The following PCNT variants were observed in gnomAD, a reference collection of about 807,000 sequenced individuals.
The protein encoded by PCNT is kendrin.
In PCNT, 319 loss-of-function variants were observed where a neutral mutation model predicts 380.4. The ratio of observed to expected loss-of-function variants is 0.84; its 90% CI spans 0.77 to 0.92. The LOEUF (loss-of-function observed/expected upper bound fraction) is 0.92, where lower values mean the gene tolerates loss of function less well. Among genes scored for constraint, PCNT ranks in the 40% least tolerant of loss-of-function variants. The pLI is 0.00. For missense variants in PCNT, 4,400 were observed against 4,255.3 expected, an observed-to-expected ratio of 1.03 and a Z score of -0.95; for synonymous variants, 1,845 against 1,735.2, an observed-to-expected ratio of 1.06 and a Z score of -1.57.
intron 21 of PCNT, chr21:46,394,410 C>T (rs994173743): frequency 2.1e-6 from 1 of 474,206 alleles, no homozygotes; most frequent in African/African-American, 2.1e-5. Flanking sequence ...GCCCAGAGCC[C>T]TGCTGCTGAC....
chr21:46,443,218 GTTGTT>G (rs978059089), intron 44 of PCNT: 1 of 162,374 alleles, frequency 6.2e-6, no homozygotes, highest in African/African-American at 2.4e-5. Context: ...AGTTGTTGTT[GTTGTT>G]TTGTTGTTTT....
rs140290722 is a variant in PCNT, at chr21:46,402,395, T to C, written c.5027T>C (p.Ile1676Thr). The change falls in exon 27 of 47, where the codon ATA becomes ACA. Residue 1676 changes from isoleucine (I) to threonine (T), a missense_variant. By Grantham distance (89) the Ile-to-Thr change is moderately conservative (BLOSUM62 -1). Coordinates refer to ENST00000359568, the MANE Select transcript of PCNT (RefSeq NM_006031.6). Reference sequence around the variant, plus strand: ...GACTTAGAAAGTAAAAATGAAGAAATACTACATCTGAACTTAAAATTGGAC... The same window carrying C: ...GACTTAGAAAGTAAAAATGAAGAAACACTACATCTGAACTTAAAATTGGAC... ...KGDLESKNEE[I>T]LHLNLKLDMQ... is the part of the protein sequence containing the mutation. The C allele has an allele frequency of 1.6e-4, 256 of 1,612,870 alleles. No individual in the cohort carries two copies. The highest frequency in any genetic ancestry group is 1.0e-4 in the Non-Finnish European group (120 of 1,178,896).
rs1555954604 is a variant in PCNT, at chr21:46,353,751, TGAGAGA to T, written c.1680-233_1680-228del. On this transcript the variant is annotated intron_variant, in intron 10 of 46. Coordinates refer to ENST00000359568, the MANE Select transcript of PCNT (RefSeq NM_006031.6). Reference sequence around the variant, plus strand: ...GTGTGTGTGTGTGTGTGTGTGTGTGTGAGAGAGACAGAGAGAGAGTCAGTGGCGGGC... The same window carrying T: ...GTGTGTGTGTGTGTGTGTGTGTGTGTGACAGAGAGAGAGTCAGTGGCGGGC... 8.6e-5 allele frequency among the ~76,000 whole-genome samples: 9 copies of T among 104,402 alleles called. 1 individual carries two copies. The highest frequency in any genetic ancestry group is 8.4e-4 in the South Asian group (3 of 3,588). 68.5% of individuals were successfully genotyped at this position (104,402 alleles called of 152,430 possible).
At position 46,353,197 on chromosome 21, in the gene PCNT, A is replaced by G. The variant is rs747331652; in HGVS notation, c.1550A>G (p.Glu517Gly). Residue 517 changes from glutamate to glycine, a missense_variant, in exon 10 of 47, where the codon GAG (glutamate) becomes GGG (glycine). Glu to Gly is a moderately conservative substitution (Grantham distance 98). Coordinates refer to ENST00000359568, the MANE Select transcript of PCNT (RefSeq NM_006031.6). ...AAAACCCAGCATGAGTCCGAACTGG[A>G]GCAACTGAGGATTTATTTTGAAAAG... ...REKTQHESELEQLRIYFEKKL... is the reference protein window; with the variant it reads ...REKTQHESELGQLRIYFEKKL... 1.2e-6 allele frequency: 2 copies of G among 1,614,136 alleles called. No homozygotes were observed. Among genetic ancestry groups the G allele is most frequent in the East Asian group, 4.5e-5 (2 of 44,888 alleles).
At chr21:46,433,006 C>G (rs947598226) in intron 38 of PCNT, among the ~76,000 whole-genome samples, 1 of 151,862 alleles carries the variant, frequency 6.6e-6, no homozygotes, top group Non-Finnish European at 1.5e-5. Context: ...AATTTATTTA[C>G]TTATTTATTT....
chr21:46,390,811 C>A lies in PCNT; in HGVS notation c.3982C>A (p.Leu1328Met). The stretch of plus-strand genomic sequence containing the variant: ...GAGCGCAGCAAAGGCAGAGCTGGCG[C>A]TGGAGCTGCACAAGACTCAGGGTGA... ...EESAAKAELA[L>M]ELHKTQGTLE... Residue 1328 changes from leucine (L) to methionine (M), a missense_variant, in exon 20 of 47, where the codon CTG becomes ATG. Physicochemically the swap from Leu to Met is conservative, Grantham distance 15 (BLOSUM62 2). Transcript: ENST00000359568. 1 of 1,610,040 alleles carries A rather than the reference C, an allele frequency of 6.2e-7. No individual in the cohort carries two copies. The highest frequency in any genetic ancestry group is 8.5e-7 in the Non-Finnish European group (1 of 1,178,702).
At chr21:46,331,962 C>G (rs915114897) in intron 2 of PCNT, among the ~76,000 whole-genome samples, 3 of 152,142 alleles carry the variant, frequency 2.0e-5, no homozygotes, top group Non-Finnish European at 4.4e-5. Flanking sequence ...GAGTTCGAGA[C>G]CAGCCTGGCC....
intron 6 of PCNT, among the ~76,000 whole-genome samples, chr21:46,348,026 C>T (rs1440425839): frequency 6.6e-6 from 1 of 152,244 alleles, no homozygotes; most frequent in African/African-American, 2.4e-5. Context: ...GAGGCCCTTC[C>T]TGAGTCAGGC....
intron 3 of PCNT, among the ~76,000 whole-genome samples, chr21:46,339,959 A>G (rs1359475453): frequency 6.6e-6 from 1 of 151,998 alleles, no homozygotes; most frequent in Non-Finnish European, 1.5e-5. Context: ...CTTTCTCTCC[A>G]TTAAGTTTTA....
rs533622480 is a variant in PCNT at position 46,382,240 on chromosome 21, G to A, written c.3312+400G>A. Among the ~76,000 whole-genome samples, 54 of 146,160 alleles carry A rather than the reference G, an allele frequency of 3.7e-4. 1 individual carries two copies. Among genetic ancestry groups the A allele is most frequent in the African/African-American group, 1.3e-3 (52 of 39,924 alleles). On this transcript the variant is annotated intron_variant, in intron 16 of 46. Transcript: ENST00000359568. ...GCATTCATAGTGTTCTGCATTCAGT[G>A]GCGGAAGCCCATTCACGGTGTTGTG...
chr21:46,422,537 C>T (rs1169242125), intron 32 of PCNT, among the ~76,000 whole-genome samples: 1 of 152,198 alleles, frequency 6.6e-6, no homozygotes, highest in Non-Finnish European at 1.5e-5. Context: ...CACTCAGCCT[C>T]CTTGGAATCA....
Position 46,430,265 on chromosome 21 carries a change from G to A in PCNT, c.7913+33G>A, listed in dbSNP as rs371963157. 30 of 1,574,096 alleles carry A rather than the reference G, an allele frequency of 1.9e-5. No individual in the cohort carries two copies. The South Asian group carries it at 2.3e-4, about 12-fold the overall frequency. On this transcript the variant is annotated intron_variant, in intron 36 of 46. Transcript: ENST00000359568. ...TGATCCCCCTTCCTGGGACACTGGC[G>A]GGAGTCCCCCCGTTGTGCCATGTTT...
chr21:46,436,886 C>T, intron 39 of PCNT, 93 bp from the exon 40 acceptor site: 2 of 938,544 alleles, frequency 2.1e-6, no homozygotes, highest in South Asian at 2.7e-5. Context: ...AGAAACCTGT[C>T]TTGTCTCTCT....
In PCNT at chr21:46,436,137, G is replaced by A; in HGVS notation, c.8985G>A (p.Gln2995=). 1 of 1,608,184 alleles carries A rather than the reference G, an allele frequency of 6.2e-7. No individual in the cohort carries two copies. The highest frequency in any genetic ancestry group is 1.1e-5 in the South Asian group (1 of 91,066). The stretch of plus-strand genomic sequence containing the variant: ...GGCTTCTCACCAGCTTCACCAGCCA[G>A]GCCGTGGACAGGTGTGCACCCACGC... The part of the protein sequence containing the change: ...AARLLTSFTS[Q]AVDRTVNDWT... Residue 2995 remains glutamine (Q), a synonymous_variant, in exon 39 of 47, where the codon CAG becomes CAA. Transcript: ENST00000359568.
intron 15 of PCNT, among the ~76,000 whole-genome samples, chr21:46,369,918 G>A (rs1252293839): frequency 6.6e-6 from 1 of 152,228 alleles, no homozygotes; most frequent in Non-Finnish European, 1.5e-5. Flanking sequence ...CCAAGATGCA[G>A]GAGCATCAAG....
intron 19 of PCNT, 122 bp from the exon 20 acceptor site, chr21:46,390,548 T>TGGCCC: frequency 9.8e-7 from 1 of 1,019,748 alleles, no homozygotes; most frequent in South Asian, 1.3e-5. Context: ...CACCCTGGCC[T>TGGCCC]GGCCCTGCCT....
At chr21:46,429,793 T>C (rs979580426) in intron 35 of PCNT, among the ~76,000 whole-genome samples, 2 of 152,050 alleles carry the variant, frequency 1.3e-5, no homozygotes, top group Non-Finnish European at 2.9e-5. Context: ...ACTCTGTGTC[T>C]CCCGGCCAGG....
chr21:46,441,936 G>A (rs1370659752), intron 43 of PCNT, among the ~76,000 whole-genome samples: 3 of 152,136 alleles, frequency 2.0e-5, no homozygotes, highest in Admixed American at 6.5e-5. Flanking sequence ...TCAAAGGAGG[G>A]AAGCCACAGG....
At chr21:46,335,999 G>A (rs1227825733) in intron 3 of PCNT, among the ~76,000 whole-genome samples, 2 of 150,964 alleles carry the variant, frequency 1.3e-5, no homozygotes, top group Non-Finnish European at 3.0e-5. Flanking sequence ...TGTTTTTTGA[G>A]ATGGAGTTTT....
Sources: allele counts gnomAD v4.1 joint callset (sites outside exome capture counted in the v4.1 genomes callset), GRCh38; gene constraint gnomAD v4.1.1; transcripts MANE v1.5; gene names NCBI Gene and HGNC (gene_info 2026-07-23, HGNC 2026-07-21).